The following GDPD4 variants were observed in gnomAD, a reference collection of about 807,000 sequenced individuals.
GDPD4 encodes the protein glycerophosphodiester phosphodiesterase domain containing 4.
In GDPD4, 60 loss-of-function variants were observed where a neutral mutation model predicts 67.8. That is an observed-to-expected ratio of 0.88 (90% CI 0.72 to 1.10). The LOEUF (loss-of-function observed/expected upper bound fraction) is 1.10, where lower values mean the gene tolerates loss of function less well. Among genes scored for constraint, GDPD4 ranks in the 50% least tolerant of loss-of-function variants. The probability of loss-of-function intolerance (pLI) is 0.00; values close to 1 mark genes in which losing one functional copy is unlikely to be tolerated. For missense variants in GDPD4, 623 were observed against 613.9 expected (o/e 1.01, Z -0.16); for synonymous variants, 212 against 210.9 (o/e 1.00, Z -0.04).
At chr11:77,226,121 CTG>C (rs1416539211) in intron 16 of GDPD4, among the ~76,000 whole-genome samples, 4 of 152,192 alleles carry the variant, frequency 2.6e-5, no homozygotes, top group Non-Finnish European at 5.9e-5. Context: ...GTCAAGTTAA[CTG>C]TTACTTTTTC....
At chr11:77,257,552 TACACACACACAC>T (rs71043563) in intron 11 of GDPD4, among the ~76,000 whole-genome samples, 96 of 134,346 alleles carry the variant, frequency 7.1e-4, no homozygotes, top group Non-Finnish European at 1.2e-3. Flanking sequence ...CTCCCTCTCC[TACACACACACAC>T]ACACACACAC....
chr11:77,249,973 T>C (rs551925284), intron 11 of GDPD4, among the ~76,000 whole-genome samples: 2 of 152,238 alleles, frequency 1.3e-5, no homozygotes, highest in Non-Finnish European at 2.9e-5. Context: ...CATATATTTG[T>C]ACAGTTTTTA....
At chr11:77,253,474 T>C (rs1958946235) in intron 11 of GDPD4, among the ~76,000 whole-genome samples, 2 of 152,160 alleles carry the variant, frequency 1.3e-5, no homozygotes, top group African/African-American at 4.8e-5. Flanking sequence ...TCCTTAGGGA[T>C]GGCACTATCT....
At chr11:77,294,164 C>T (rs1476642580) in intron 1 of GDPD4, among the ~76,000 whole-genome samples, 1 of 152,146 alleles carries the variant, frequency 6.6e-6, no homozygotes, top group Non-Finnish European at 1.5e-5. Flanking sequence ...CTGGTGAAAT[C>T]TGAATGATAT....
rs1959097604 is a variant in GDPD4 at position 77,260,610 on chromosome 11, G to C, written c.708-2068C>G. The stretch of plus-strand genomic sequence containing the variant: ...CAGGGACAAACTCAAAAGTGAAAGA[G>C]ATGACAGAATTCATAGACAAGGGTG... On this transcript the variant is annotated intron_variant, in intron 10 of 16. Transcript: ENST00000315938. Among the ~76,000 whole-genome samples, 3 of 152,100 alleles carry C rather than the reference G, an allele frequency of 2.0e-5. No homozygotes were observed. In the South Asian group the frequency reaches 6.2e-4, roughly 32 times the overall value.
chr11:77,239,062 C>T (rs562824609), intron 13 of GDPD4, among the ~76,000 whole-genome samples: 1 of 152,288 alleles, frequency 6.6e-6, no homozygotes, highest in South Asian at 2.1e-4. Flanking sequence ...ATAAATGTGA[C>T]ACACTGCATT....
At chr11:77,242,320 A>T (rs1040252203) in intron 13 of GDPD4, among the ~76,000 whole-genome samples, 5 of 152,254 alleles carry the variant, frequency 3.3e-5, no homozygotes, top group African/African-American at 9.6e-5. Flanking sequence ...ATAAATTTTT[A>T]AAATGTCTTT....
chr11:77,231,081 T>C (rs1386732777), intron 14 of GDPD4, among the ~76,000 whole-genome samples: 1 of 152,164 alleles, frequency 6.6e-6, no homozygotes, highest in Non-Finnish European at 1.5e-5. Flanking sequence ...CTGACTTGGC[T>C]CAAACCAGAG....
At chr11:77,301,336 G>A (rs1938153018) in intron 1 of GDPD4, among the ~76,000 whole-genome samples, 1 of 152,132 alleles carries the variant, frequency 6.6e-6, no homozygotes, top group Non-Finnish European at 1.5e-5. Context: ...CCCAAGGGTT[G>A]CCGCCCAGGA....
At position 77,283,812 on chromosome 11, in the gene GDPD4, T is replaced by C. The variant is rs142605841; in HGVS notation, c.53+1273A>G. Among the ~76,000 whole-genome samples, 443 of 151,394 alleles carry C rather than the reference T, an allele frequency of 2.9e-3. 8 individuals are homozygous for C. The East Asian group carries it at 0.041, about 14-fold the overall frequency. ...CCTCTGTTTTAAATAGAAATTGCTA[T>C]AACCTTTTGAGAAAGTACTTTGGCA... On this transcript the variant is annotated intron_variant, in intron 3 of 16. Transcript: ENST00000315938.
intron 16 of GDPD4, among the ~76,000 whole-genome samples, chr11:77,225,216 G>A (rs536695459): frequency 5.9e-5 from 9 of 151,606 alleles, no homozygotes; most frequent in Admixed American, 1.3e-4. Context: ...CAGGAGAATC[G>A]CTTGAAACTG....
At chr11:77,229,346 A>C in intron 14 of GDPD4, 114 bp from the exon 15 acceptor site, 1 of 624,010 alleles carries the variant, frequency 1.6e-6, no homozygotes, top group Non-Finnish European at 2.8e-6. Flanking sequence ...AAGAGGGGAT[A>C]GACAGGCCAA....
At chr11:77,226,011 T>C (rs1958328923) in intron 16 of GDPD4, among the ~76,000 whole-genome samples, 1 of 152,158 alleles carries the variant, frequency 6.6e-6, no homozygotes, top group South Asian at 2.1e-4. Flanking sequence ...AAAAACTGGT[T>C]TCTCTAATAG....
intron 10 of GDPD4, among the ~76,000 whole-genome samples, chr11:77,265,437 C>A (rs1393774476): frequency 2.6e-5 from 4 of 151,352 alleles, no homozygotes; most frequent in Non-Finnish European, 5.9e-5. Flanking sequence ...TTATCTATAT[C>A]TTTTCTTAAG....
chr11:77,246,173 C>G (rs1396816267), intron 11 of GDPD4, among the ~76,000 whole-genome samples: 296 of 152,276 alleles, frequency 1.9e-3, no homozygotes, highest in Non-Finnish European at 3.4e-3. Flanking sequence ...GTAGTCCTAA[C>G]TACTAAGGAG....
At chr11:77,236,488 T>TAAG (rs1257763479) in intron 13 of GDPD4, among the ~76,000 whole-genome samples, 2 of 151,910 alleles carry the variant, frequency 1.3e-5, no homozygotes, top group African/African-American at 4.8e-5. Flanking sequence ...ATTTTGTTTA[T>TAAG]AAGAGATGCA....
chr11:77,273,779 A>G (rs1340863609), intron 5 of GDPD4, among the ~76,000 whole-genome samples: 2 of 152,250 alleles, frequency 1.3e-5, no homozygotes, highest in Non-Finnish European at 2.9e-5. Flanking sequence ...TAGAAGAAAT[A>G]ATAAAAGATT....
intron 1 of GDPD4, among the ~76,000 whole-genome samples, chr11:77,292,047 A>G (rs957003301): frequency 1.3e-5 from 2 of 152,038 alleles, no homozygotes; most frequent in African/African-American, 4.8e-5. Context: ...TATTATTATT[A>G]TTATTCATAC....
chr11:77,221,296 C>A (rs529128098), intron 16 of GDPD4, among the ~76,000 whole-genome samples: 2 of 152,268 alleles, frequency 1.3e-5, no homozygotes, highest in East Asian at 3.9e-4. Flanking sequence ...TTTGCTCTTG[C>A]TTCTCTAGTG....
Sources: gnomAD v4.1 joint callset for allele counts (sites outside exome capture counted in the v4.1 genomes callset) on GRCh38, gnomAD v4.1.1 for gene constraint, MANE v1.5 for transcripts, NCBI Gene and HGNC (gene_info 2026-07-23, HGNC 2026-07-21) for gene names.